Variants in SLC3A1 observed in about 807,000 individuals in gnomAD.
The protein encoded by SLC3A1 is solute carrier family 3 member 1.
Under a neutral mutation model 60.3 loss-of-function variants are expected in SLC3A1, and 78 were observed. The observed-to-expected ratio is 1.29, with a 90% CI of 1.08 to 1.56. The LOEUF is 1.56. SLC3A1 is among the 40% of genes most tolerant of loss of function. The pLI is 0.00. For missense variants in SLC3A1, 1,172 were observed against 858.9 expected (o/e 1.36, Z -4.56); for synonymous variants, 392 against 307.9 (o/e 1.27, Z -2.86).
intron 7 of SLC3A1, among the ~76,000 whole-genome samples, chr2:44,306,090 T>C (rs1054753521): frequency 1.3e-5 from 2 of 152,136 alleles, no homozygotes; most frequent in Non-Finnish European, 2.9e-5. Context: ...CTGGTGCTGT[T>C]GTTATTCGTA....
At chr2:44,308,258 T>G (rs576868390) in intron 7 of SLC3A1, among the ~76,000 whole-genome samples, 1 of 152,372 alleles carries the variant, frequency 6.6e-6, no homozygotes, top group East Asian at 1.9e-4. Context: ...TGTAGCTTAG[T>G]AAGTTTTGAC....
intron 4 of SLC3A1, among the ~76,000 whole-genome samples, chr2:44,298,593 G>T (rs1558461320): frequency 1.3e-5 from 2 of 152,182 alleles, no homozygotes; most frequent in African/African-American, 4.8e-5. Context: ...GGCCAGGCTG[G>T]TCACAAACTC....
intron 4 of SLC3A1, among the ~76,000 whole-genome samples, chr2:44,298,370 A>C (rs147430318): frequency 3.4e-5 from 5 of 149,020 alleles, no homozygotes; most frequent in Admixed American, 3.3e-4. Context: ...CCACCCCCCT[A>C]TCCCTGCCAC....
At chr2:44,300,938 A>T (rs1218530239) in intron 5 of SLC3A1, 65 bp from the exon 6 acceptor site, 4 of 1,604,736 alleles carry the variant, frequency 2.5e-6, no homozygotes, top group Non-Finnish European at 3.4e-6. Flanking sequence ...CTACATTCAT[A>T]TAGAGCGAGC....
In SLC3A1 at chr2:44,300,960, A is replaced by T. The variant is rs181506971; in HGVS notation, c.1012-43A>T. On this transcript the variant is annotated intron_variant, in intron 5 of 9. Transcript: ENST00000260649. ...CATATAGAGCGAGCTGTGGGCATGC[A>T]ATGTATGAAATGAGGGTAACCATGT... 7.4e-5 allele frequency: 120 copies of T among 1,612,358 alleles called. No individual in the cohort carries two copies. In the East Asian group the frequency reaches 2.5e-3, roughly 33 times the overall value.
At chr2:44,312,891 T>G (rs1558469190) in intron 8 of SLC3A1, 138 bp downstream of exon 8, 1 of 717,534 alleles carries the variant, frequency 1.4e-6, no homozygotes, top group Non-Finnish European at 2.4e-6. Flanking sequence ...TCTTTCTTAC[T>G]GTTAGTAAGA....
chr2:44,309,132 G>T lies in SLC3A1; in HGVS notation c.1333-3454G>T, dbSNP rs1221837379. Among the ~76,000 whole-genome samples, 3 of 152,098 alleles carry T rather than the reference G, an allele frequency of 2.0e-5. No homozygotes were observed. The South Asian group carries it at 6.2e-4, about 31-fold the overall frequency. On this transcript the variant is annotated intron_variant, in intron 7 of 9. Coordinates refer to ENST00000260649, the MANE Select transcript of SLC3A1 (RefSeq NM_000341.4). ...TCAATGCATTAAATACATTCAAAATGTTGTACAACCATCACCATTATCAGT... is the reference window on the plus strand; with the variant it reads ...TCAATGCATTAAATACATTCAAAATTTTGTACAACCATCACCATTATCAGT...
At position 44,316,983 on chromosome 2, in the gene SLC3A1, C is replaced by G. The variant is rs528426431; in HGVS notation, c.1617+3032C>G. 8.8e-5 allele frequency among the ~76,000 whole-genome samples: 13 copies of G among 147,280 alleles called. No homozygotes were observed. In the East Asian group the frequency reaches 2.8e-3, roughly 32 times the overall value. On this transcript the variant is annotated intron_variant, in intron 9 of 9. Transcript: ENST00000260649. ...CAATGTAAAACAAGGTATTCTGGAA[C>G]AAAAATCTTAGTGATTTGATTCTAT...
intron 9 of SLC3A1, chr2:44,315,338 A>G (rs867854458): frequency 6.6e-5 from 10 of 152,196 alleles, no homozygotes; most frequent in African/African-American, 2.4e-4. Flanking sequence ...AAATTTAAGT[A>G]ATTTCTAAAA....
chr2:44,300,588 G>C (rs1304579564), intron 5 of SLC3A1, among the ~76,000 whole-genome samples: 1 of 152,050 alleles, frequency 6.6e-6, no homozygotes, highest in Non-Finnish European at 1.5e-5. Flanking sequence ...TTAGGAGAAA[G>C]GATAGTGATG....
chr2:44,310,888 T>C (rs1672279752), intron 7 of SLC3A1, among the ~76,000 whole-genome samples: 1 of 152,050 alleles, frequency 6.6e-6, no homozygotes, highest in African/African-American at 2.4e-5. Flanking sequence ...AACCTTGATG[T>C]CCTGTGCTCA....
chr2:44,301,454 T>C (rs1000957552), intron 6 of SLC3A1: 3 of 508,580 alleles, frequency 5.9e-6, no homozygotes, highest in African/African-American at 3.9e-5. Flanking sequence ...CAAAAACCAG[T>C]TCCAGGCCGG....
downstream of SLC3A1, chr2:44,321,617 A>C: frequency 6.8e-7 from 1 of 1,480,214 alleles, no homozygotes. Flanking sequence ...AGATTAAATT[A>C]TTTTCTTTAA....
chr2:44,284,357 C>T (rs764089674), intron 3 of SLC3A1, among the ~76,000 whole-genome samples: 3 of 152,102 alleles, frequency 2.0e-5, no homozygotes, highest in Non-Finnish European at 4.4e-5. Flanking sequence ...GGATTACAGG[C>T]GTGAGCCACC....
At chr2:44,301,215 C>T (rs1381514158) in intron 6 of SLC3A1, 88 bp downstream of exon 6, 1 of 1,520,952 alleles carries the variant, frequency 6.6e-7, no homozygotes, top group Non-Finnish European at 9.1e-7. Flanking sequence ...TTTGGAGGTT[C>T]AAGTAATAAT....
intron 3 of SLC3A1, among the ~76,000 whole-genome samples, chr2:44,283,787 T>C (rs1197851250): frequency 6.6e-6 from 1 of 152,114 alleles, no homozygotes; most frequent in Non-Finnish European, 1.5e-5. Flanking sequence ...AACCATATAT[T>C]GCAAGACTTC....
intron 6 of SLC3A1, 25 bp downstream of exon 6, chr2:44,301,152 T>A: frequency 6.2e-7 from 1 of 1,614,124 alleles, no homozygotes. Flanking sequence ...ATGCTCTCAT[T>A]TCTTCCCAGG....
At chr2:44,278,812 G>C (rs1438870571) in intron 1 of SLC3A1, among the ~76,000 whole-genome samples, 2 of 152,038 alleles carry the variant, frequency 1.3e-5, no homozygotes, top group African/African-American at 4.8e-5. Flanking sequence ...TCCTATATAA[G>C]TGAACAAGGG....
chr2:44,317,705 T>A (rs1345435536), intron 9 of SLC3A1: 1 of 152,140 alleles, frequency 6.6e-6, no homozygotes, highest in Non-Finnish European at 1.5e-5. Flanking sequence ...ATAACAATTT[T>A]CAAATTTTCA....
Sources: allele counts gnomAD v4.1 joint callset (sites outside exome capture counted in the v4.1 genomes callset), GRCh38; gene constraint gnomAD v4.1.1; transcripts MANE v1.5; gene names NCBI Gene and HGNC (gene_info 2026-07-23, HGNC 2026-07-21).